The following CDH9 variants were observed in gnomAD, a reference collection of about 807,000 sequenced individuals.
CDH9 encodes the protein cadherin 9.
Under a neutral mutation model 70.9 loss-of-function variants are expected in CDH9, and 28 were observed. That is an observed-to-expected ratio of 0.40 (90% confidence interval 0.29 to 0.54). The LOEUF is 0.54. CDH9 is among the 20% of genes least tolerant of loss of function. CDH9 has a pLI of 0.59. For synonymous variants in CDH9, 409 were observed against 343.1 expected (o/e 1.19, Z -2.12); for missense variants, 874 against 984.4 (o/e 0.89, Z 1.50).
intron 7 of CDH9, among the ~76,000 whole-genome samples, chr5:26,895,590 C>A (rs1385080239): frequency 1.3e-5 from 2 of 151,930 alleles, no homozygotes; most frequent in East Asian, 3.9e-4. Context: ...AATGAGGCAA[C>A]ATGTTATTTC....
intron 1 of CDH9, among the ~76,000 whole-genome samples, chr5:27,009,514 A>C (rs572665932): frequency 7.2e-5 from 11 of 152,248 alleles, no homozygotes; most frequent in Admixed American, 6.5e-4. Context: ...TTTTCTGCTA[A>C]GAGGGGCTCC....
At chr5:26,956,269 C>T (rs1741946091) in intron 2 of CDH9, among the ~76,000 whole-genome samples, 3 of 152,098 alleles carry the variant, frequency 2.0e-5, no homozygotes, top group Admixed American at 6.6e-5. Flanking sequence ...CTTCTCTTGT[C>T]TGCTGCTTTT....
At chr5:27,017,090 T>C (rs1006947051) in intron 1 of CDH9, among the ~76,000 whole-genome samples, 3 of 151,938 alleles carry the variant, frequency 2.0e-5, no homozygotes, top group African/African-American at 4.8e-5. Context: ...CTTCATTGTT[T>C]GTTTTGTTGT....
At chr5:26,915,959 A>G in intron 2 of CDH9, 35 bp from the exon 3 acceptor site, 1 of 1,397,514 alleles carries the variant, frequency 7.2e-7, no homozygotes, top group Non-Finnish European at 9.9e-7. Context: ...TTCTGTAAAT[A>G]TATACATTAT....
At chr5:26,954,469 T>C (rs1460858283) in intron 2 of CDH9, among the ~76,000 whole-genome samples, 2 of 137,988 alleles carry the variant, frequency 1.4e-5, no homozygotes, top group South Asian at 2.5e-4. Flanking sequence ...ACTGCAAGCT[T>C]CGCCTCCCGG....
chr5:26,883,094 TAAAA>T (rs1171305927), intron 11 of CDH9, among the ~76,000 whole-genome samples: 17 of 100,338 alleles, frequency 1.7e-4, no homozygotes, highest in African/African-American at 6.6e-4. Flanking sequence ...TATATATATA[TAAAA>T]CTGCAGTAAA....
chr5:26,887,646 C>T (rs1740588096), intron 9 of CDH9, among the ~76,000 whole-genome samples: 1 of 151,886 alleles, frequency 6.6e-6, no homozygotes, highest in African/African-American at 2.4e-5. Context: ...GTCTTAAATC[C>T]CAGTACCTGT....
intron 1 of CDH9, among the ~76,000 whole-genome samples, chr5:27,034,218 T>A (rs540242422): frequency 6.6e-6 from 1 of 151,868 alleles, no homozygotes; most frequent in East Asian, 1.9e-4. Flanking sequence ...ATTTCCACTG[T>A]AAATTGAATT....
intron 2 of CDH9, among the ~76,000 whole-genome samples, chr5:26,962,688 A>G (rs1018341219): frequency 1.2e-4 from 18 of 152,112 alleles, no homozygotes; most frequent in Non-Finnish European, 2.6e-4. Context: ...TCTCACTCTC[A>G]TGCCTCTCCA....
chr5:27,008,252 T>C (rs1395895747), intron 1 of CDH9, among the ~76,000 whole-genome samples: 1 of 152,142 alleles, frequency 6.6e-6, no homozygotes, highest in Non-Finnish European at 1.5e-5. Context: ...TCCCAGCATT[T>C]TGGGAGGCGG....
intron 1 of CDH9, among the ~76,000 whole-genome samples, chr5:27,015,851 C>T (rs1396331139): frequency 6.6e-6 from 1 of 151,604 alleles, no homozygotes; most frequent in East Asian, 1.9e-4. Context: ...CTAGTCAGAA[C>T]ATTTACCATG....
intron 2 of CDH9, among the ~76,000 whole-genome samples, chr5:26,986,903 C>G (rs957956134): frequency 3.3e-5 from 5 of 151,934 alleles, no homozygotes; most frequent in African/African-American, 1.2e-4. Context: ...TGAGCATGAC[C>G]TATGGAACCA....
intron 1 of CDH9, among the ~76,000 whole-genome samples, chr5:27,002,766 G>A (rs1231933257): frequency 1.3e-5 from 2 of 151,888 alleles, no homozygotes; most frequent in African/African-American, 4.8e-5. Context: ...ACCAGGGCCT[G>A]TCGTGGGGTT....
At chr5:26,942,099 C>A (rs1034964056) in intron 2 of CDH9, among the ~76,000 whole-genome samples, 4 of 152,284 alleles carry the variant, frequency 2.6e-5, no homozygotes, top group African/African-American at 4.8e-5. Context: ...CACAGTTCAG[C>A]AAGGCTAGGG....
intron 2 of CDH9, among the ~76,000 whole-genome samples, chr5:26,964,371 G>T (rs1209894828): frequency 6.6e-6 from 1 of 152,226 alleles, no homozygotes; most frequent in Non-Finnish European, 1.5e-5. Context: ...CTTTCTCAAT[G>T]AATGAATAGA....
intron 1 of CDH9, among the ~76,000 whole-genome samples, chr5:27,019,435 T>C (rs13362316): frequency 3.9e-5 from 6 of 152,138 alleles, no homozygotes; most frequent in Admixed American, 6.6e-5. Flanking sequence ...ACACATTTTA[T>C]AACCTAGAAT....
At chr5:26,988,474 T>A in intron 1 of CDH9, 92 bp from the exon 2 acceptor site, 1 of 1,122,678 alleles carries the variant, frequency 8.9e-7, no homozygotes, top group Non-Finnish European at 1.2e-6. Context: ...AGACATTATT[T>A]AAATTTTATT....
At chr5:26,955,876 C>G (rs1218395884) in intron 2 of CDH9, among the ~76,000 whole-genome samples, 2 of 152,170 alleles carry the variant, frequency 1.3e-5, no homozygotes, top group Non-Finnish European at 2.9e-5. Flanking sequence ...AGAATGGAAT[C>G]AAATCCTAGG....
chr5:27,022,825 T>C (rs1743161873), intron 1 of CDH9, among the ~76,000 whole-genome samples: 1 of 152,108 alleles, frequency 6.6e-6, no homozygotes, highest in South Asian at 2.1e-4. Context: ...GCTAAACCGG[T>C]CACCAACACA....
Sources: allele counts gnomAD v4.1 joint callset (sites outside exome capture counted in the v4.1 genomes callset), GRCh38; gene constraint gnomAD v4.1.1; transcripts MANE v1.5; gene names NCBI Gene and HGNC (gene_info 2026-07-23, HGNC 2026-07-21).